Variants in GSDMA observed in about 807,000 individuals in gnomAD.
GSDMA encodes the protein gasdermin-A.
In GSDMA, 55 loss-of-function variants were observed where a neutral mutation model predicts 54.3. The observed-to-expected ratio is 1.01, with a 90% confidence interval of 0.82 to 1.27. The LOEUF (loss-of-function observed/expected upper bound fraction) is 1.27, where lower values mean the gene tolerates loss of function less well. Ranked by LOEUF, GSDMA falls within the 50% of genes most tolerant of loss-of-function variation. The probability of loss-of-function intolerance (pLI) is 0.00; values close to 1 mark genes in which losing one functional copy is unlikely to be tolerated. For missense variants in GSDMA, 542 were observed against 542.6 expected, an observed-to-expected ratio of 1.00 and a Z score of 0.01; for synonymous variants, 211 against 224.7, an observed-to-expected ratio of 0.94 and a Z score of 0.54.
At chr17:39,969,356 A>G (rs893427448) in intron 3 of GSDMA, among the ~76,000 whole-genome samples, 20 of 151,438 alleles carry the variant, frequency 1.3e-4, no homozygotes, top group Middle Eastern at 3.4e-3. Flanking sequence ...AAAAAAAAAA[A>G]AAAGAAAAAA....
rs1419202478 is a variant in GSDMA at position 39,965,711 on chromosome 17, C to T, written c.24C>T (p.Thr8=). The part of the protein sequence containing the change: MTMFENV[T]RALARQLNPR... ...CAATGACCATGTTTGAAAATGTCAC[C>T]CGGGCCCTGGCCAGACAGCTAAACC... Residue 8 remains threonine, a synonymous_variant, in exon 2 of 12, where the codon ACC becomes ACT. Transcript: ENST00000301659. The T allele has an allele frequency of 6.2e-7, 1 of 1,609,258 alleles. No individual in the cohort carries two copies. The highest frequency in any genetic ancestry group is 1.1e-5 in the South Asian group (1 of 89,984).
chr17:39,965,328 G>A (rs1289233583), intron 1 of GSDMA, among the ~76,000 whole-genome samples: 1 of 151,020 alleles, frequency 6.6e-6, no homozygotes, highest in Non-Finnish European at 1.5e-5. Context: ...AAGAAAGAAA[G>A]AAAGAAAAAG....
Position 39,965,885 on chromosome 17 carries a change from C to A in GSDMA, c.198C>A (p.Pro66=), listed in dbSNP as rs188841005. Residue 66 remains proline, a synonymous_variant, in exon 2 of 12, where the codon CCC becomes CCA. Coordinates refer to ENST00000301659, the MANE Select transcript of GSDMA (RefSeq NM_178171.5). ...ACACGCTGCTGGATGTGCTTGAGCC[C>A]GGCAGCTCACCTTCAGGTCAGCCTC... ...TDYTLLDVLE[P]GSSPSDPTDT... 4 of 1,554,368 alleles carry A rather than the reference C, an allele frequency of 2.6e-6. No homozygotes were observed. In the African/African-American group the frequency reaches 4.1e-5, roughly 16 times the overall value.
In GSDMA at chr17:39,977,661, G is replaced by GAA. The variant is rs139141843; in HGVS notation, c.*609_*610dup. On this transcript the variant is annotated 3_prime_UTR_variant, in exon 12 of 12. Coordinates refer to ENST00000301659, the MANE Select transcript of GSDMA (RefSeq NM_178171.5). ...CTATGAGCCGTTTCAGCAAAACTGA[G>GAA]AAAAAAAGAAGATTAATTAATTTCC... 4.4e-3 allele frequency: 667 copies of GAA among 150,514 alleles called. 5 individuals carry two copies. Among genetic ancestry groups the GAA allele is most frequent in the Non-Finnish European group, 3.8e-3 (259 of 67,612 alleles). 9.3% of individuals were successfully genotyped at this position (150,514 alleles called of 1,614,324 possible).
Position 39,976,999 on chromosome 17 carries a change from CGCCTCTGTGCTCTTTATGCAG to C in GSDMA, c.1286_1306del (p.Cys429_Leu435del), listed in dbSNP as rs1157140779. The C allele has an allele frequency of 6.2e-7, 1 of 1,613,954 alleles. No individual in the cohort carries two copies. Among genetic ancestry groups the C allele is most frequent in the Admixed American group, 1.7e-5 (1 of 60,022 alleles). ...TATGTGGGACCCAGACACCCTCCCT[CGCCTCTGTGCTCTTTATGCAG>C]GCCTCTCTCTCCTTCAGCAGCTTAC... On this transcript the variant is annotated inframe_deletion, in exon 12 of 12. Coordinates refer to ENST00000301659, the MANE Select transcript of GSDMA (RefSeq NM_178171.5).
At position 39,966,424 on chromosome 17, in the gene GSDMA, A is replaced by G; in HGVS notation, c.379A>G (p.Thr127Ala). ...TLSVAPKALE[T>A]VQERKLAADH... Reference sequence around the variant, plus strand: ...CAGTGTGGCTCCCAAGGCCCTGGAGACCGTGCAGGAGAGGTGAGAGTGGGC... The same window carrying G: ...CAGTGTGGCTCCCAAGGCCCTGGAGGCCGTGCAGGAGAGGTGAGAGTGGGC... The change falls in exon 3 of 12, where the codon ACC becomes GCC. Residue 127 changes from threonine (T) to alanine (A), a missense_variant. Physicochemically the swap from Thr to Ala is moderately conservative, Grantham distance 58. Coordinates refer to ENST00000301659, the MANE Select transcript of GSDMA (RefSeq NM_178171.5). 1 of 1,608,502 alleles carries G rather than the reference A, an allele frequency of 6.2e-7. No homozygotes were observed. The highest frequency in any genetic ancestry group is 1.1e-5 in the South Asian group (1 of 90,548).
intron 2 of GSDMA, 39 bp from the exon 3 acceptor site, chr17:39,966,221 C>T (rs1464146377): frequency 1.2e-6 from 2 of 1,608,674 alleles, no homozygotes; most frequent in Non-Finnish European, 1.7e-6. Flanking sequence ...GTTACTGCAC[C>T]CAGCCAGCCC....
chr17:39,972,118 G>A lies in GSDMA; in HGVS notation c.656-11G>A. 2.0e-6 allele frequency: 1 copy of A among 509,758 alleles called. No homozygotes were observed. Among genetic ancestry groups the A allele is most frequent in the Non-Finnish European group, 3.3e-6 (1 of 306,958 alleles). 31.6% of individuals were successfully genotyped at this position (509,758 alleles called of 1,614,324 possible). A position where few individuals can be genotyped will look rare whatever the true frequency, so the allele number is the denominator to read the frequency against. On this transcript the variant is annotated splice_polypyrimidine_tract_variant and intron_variant, in intron 5 of 11. Coordinates refer to ENST00000301659, the MANE Select transcript of GSDMA (RefSeq NM_178171.5). ...AGTGTCCTCCCACCCTCCCTCCCTT[G>A]CCCTTCACAGATATTCCACATATCT...
intron 5 of GSDMA, 22 bp from the exon 6 acceptor site, chr17:39,972,107 C>A: frequency 7.2e-6 from 8 of 1,115,246 alleles, no homozygotes; most frequent in South Asian, 1.3e-5. Context: ...TCCTCCCACC[C>A]TCCCTCCCTT....
chr17:39,967,893 T>A (rs1280283134), intron 3 of GSDMA, among the ~76,000 whole-genome samples: 1 of 152,138 alleles, frequency 6.6e-6, no homozygotes, highest in African/African-American at 2.4e-5. Context: ...AGTCTCGCTC[T>A]GTCGCCCAGG....
At chr17:39,966,225 C>T (rs765926007) in intron 2 of GSDMA, 35 bp from the exon 3 acceptor site, 12 of 1,609,968 alleles carry the variant, frequency 7.5e-6, no homozygotes, top group South Asian at 1.1e-5. Flanking sequence ...CTGCACCCAG[C>T]CAGCCCAGCC....
chr17:39,966,062 A>C (rs1037072188), intron 2 of GSDMA, among the ~76,000 whole-genome samples, 161 bp downstream of exon 2: 1 of 151,996 alleles, frequency 6.6e-6, no homozygotes, highest in Non-Finnish European at 1.5e-5. Context: ...GGTCGGGGGG[A>C]TACCTCTCAG....
Position 39,974,459 on chromosome 17 carries a change from G to C in GSDMA, c.906+32G>C, listed in dbSNP as rs1172825358. 4 of 1,537,334 alleles carry C rather than the reference G, an allele frequency of 2.6e-6. 1 individual carries two copies. The South Asian group carries it at 4.8e-5, about 18-fold the overall frequency. On this transcript the variant is annotated intron_variant, in intron 9 of 11. Coordinates refer to ENST00000301659, the MANE Select transcript of GSDMA (RefSeq NM_178171.5). ...ACCTAGTGGAAGTGGGGAAGGGTGG[G>C]AGAAGGCATGTTTTGGTGAAGATTT...
At position 39,966,361 on chromosome 17, in the gene GSDMA, G is replaced by A. The variant is rs577726601; in HGVS notation, c.316G>A (p.Gly106Arg). The change falls in exon 3 of 12, where the codon GGG (glycine) becomes AGG (arginine). Residue 106 changes from glycine to arginine, a missense_variant. By Grantham distance (125) the Gly-to-Arg change is moderately radical (BLOSUM62 -2). Coordinates refer to ENST00000301659, the MANE Select transcript of GSDMA (RefSeq NM_178171.5). ...PKTVKVKGTA[G>R]LSQNSTLEVQ... ...GACGGTGAAGGTGAAGGGAACGGCA[G>A]GGCTCTCGCAGAACAGCACTCTGGA... 7.4e-6 allele frequency: 12 copies of A among 1,614,008 alleles called. No homozygotes were observed. The South Asian group carries it at 1.3e-4, about 18-fold the overall frequency.
At chr17:39,972,032 C>G in intron 5 of GSDMA, 97 bp from the exon 6 acceptor site, 1 of 787,254 alleles carries the variant, frequency 1.3e-6, no homozygotes, top group Non-Finnish European at 2.2e-6. Flanking sequence ...GGTGCAAGGT[C>G]CTAGCCCTTA....
intron 10 of GSDMA, among the ~76,000 whole-genome samples, 158 bp downstream of exon 10, chr17:39,975,172 G>C (rs938984041): frequency 1.3e-5 from 2 of 152,264 alleles, no homozygotes; most frequent in Admixed American, 6.5e-5. Context: ...TTCATGGCTG[G>C]CTGCAGTGGC....
intron 4 of GSDMA, among the ~76,000 whole-genome samples, chr17:39,971,220 G>A (rs533372329): frequency 2.0e-5 from 3 of 152,328 alleles, no homozygotes; most frequent in African/African-American, 7.2e-5. Context: ...CTAGGGTGAT[G>A]TACAGGCAGG....
Position 39,974,415 on chromosome 17 carries a change from C to T in GSDMA, c.894C>T (p.Asp298=), listed in dbSNP as rs1980107740. 6.3e-7 allele frequency: 1 copy of T among 1,582,336 alleles called. No homozygotes were observed. The highest frequency in any genetic ancestry group is 8.6e-7 in the Non-Finnish European group (1 of 1,164,396). Residue 298 remains aspartate, a synonymous_variant, in exon 9 of 12, where the codon GAC becomes GAT. Transcript: ENST00000301659. ...KLLGKKKELQ[D]LELALEGALD... is the part of the protein sequence containing the mutation. The stretch of plus-strand genomic sequence containing the variant: ...TAGGGAAGAAAAAGGAGCTACAAGA[C>T]CTTGAGCTCGCAGTGAGGACCTAGT...
At chr17:39,974,230 G>A in intron 8 of GSDMA, 43 bp from the exon 9 acceptor site, 2 of 1,560,392 alleles carry the variant, frequency 1.3e-6, no homozygotes, top group East Asian at 2.3e-5. Context: ...TGGAGAGGAA[G>A]GTGCCCGATG....
Sources: allele counts gnomAD v4.1 joint callset (sites outside exome capture counted in the v4.1 genomes callset), GRCh38; gene constraint gnomAD v4.1.1; transcripts MANE v1.5; gene names NCBI Gene and HGNC (gene_info 2026-07-23, HGNC 2026-07-21).